Variants in CDH18 observed in about 807,000 individuals in gnomAD.
CDH18 encodes the protein cadherin 18.
A neutral mutation model predicts 67.9 loss-of-function variants in CDH18; 31 were observed. That is an observed-to-expected ratio of 0.46 (90% CI 0.34 to 0.62). CDH18 has a LOEUF of 0.62. CDH18 is among the 20% of genes least tolerant of loss of function. The pLI, the probability that CDH18 is intolerant of heterozygous loss-of-function variation, is 0.01. For synonymous variants in CDH18, 362 were observed against 347.2 expected, an observed-to-expected ratio of 1.04 and a Z score of -0.48; for missense variants, 890 against 975.5, an observed-to-expected ratio of 0.91 and a Z score of 1.17.
chr5:20,345,602 T>A (rs1317405985), intron 1 of CDH18, among the ~76,000 whole-genome samples: 1 of 152,148 alleles, frequency 6.6e-6, no homozygotes, highest in African/African-American at 2.4e-5. Context: ...CTTTTTTATA[T>A]TAGTTTTTTA....
chr5:20,466,856 T>C (rs1237796189), intron 1 of CDH18, among the ~76,000 whole-genome samples: 1 of 152,134 alleles, frequency 6.6e-6, no homozygotes, highest in Non-Finnish European at 1.5e-5. Context: ...AAGATCTTAA[T>C]GGTTTTTTAC....
intron 2 of CDH18, among the ~76,000 whole-genome samples, chr5:20,094,467 A>G (rs1484607749): frequency 2.0e-5 from 3 of 152,100 alleles, no homozygotes; most frequent in Non-Finnish European, 4.4e-5. Flanking sequence ...GTTCCATATG[A>G]AATTTAAAGT....
intron 1 of CDH18, among the ~76,000 whole-genome samples, chr5:20,525,906 G>C (rs1363352480): frequency 6.6e-6 from 1 of 152,010 alleles, no homozygotes; most frequent in Non-Finnish European, 1.5e-5. Flanking sequence ...AGTTTTTAAA[G>C]TCCAAATGTA....
intron 3 of CDH18, among the ~76,000 whole-genome samples, chr5:19,799,321 G>A (rs1013121217): frequency 2.0e-5 from 3 of 152,014 alleles, no homozygotes; most frequent in Non-Finnish European, 2.9e-5. Flanking sequence ...TTTTCATTAT[G>A]TAAGATAAAT....
At chr5:19,770,466 A>G (rs1773604079) in intron 3 of CDH18, among the ~76,000 whole-genome samples, 1 of 152,218 alleles carries the variant, frequency 6.6e-6, no homozygotes, top group Non-Finnish European at 1.5e-5. Flanking sequence ...ATTTTAACAT[A>G]GTTTTCTAAT....
chr5:20,379,456 A>T (rs192386773), intron 1 of CDH18, among the ~76,000 whole-genome samples: 105 of 152,306 alleles, frequency 6.9e-4, no homozygotes, highest in African/African-American at 2.4e-3. Context: ...TATTACGGCC[A>T]CACTGAAAGC....
chr5:19,758,539 TCTC>T (rs1208052509), intron 3 of CDH18, among the ~76,000 whole-genome samples: 5 of 152,174 alleles, frequency 3.3e-5, no homozygotes, highest in Non-Finnish European at 7.3e-5. Flanking sequence ...TGCAGAGCCT[TCTC>T]CTGTTCTGTA....
chr5:19,548,183 ATAAT>A (rs1221510975), intron 8 of CDH18, among the ~76,000 whole-genome samples: 1 of 152,154 alleles, frequency 6.6e-6, no homozygotes, highest in Non-Finnish European at 1.5e-5. Context: ...TTTTTTACAA[ATAAT>A]TAATTTGACA....
chr5:19,656,791 C>G (rs186598131), intron 5 of CDH18, among the ~76,000 whole-genome samples: 14 of 151,566 alleles, frequency 9.2e-5, no homozygotes, highest in African/African-American at 3.4e-4. Context: ...TAAAGGGTGC[C>G]CAGTGCTAGG....
At chr5:20,444,468 T>C (rs549090640) in intron 1 of CDH18, among the ~76,000 whole-genome samples, 1 of 152,102 alleles carries the variant, frequency 6.6e-6, no homozygotes, top group African/African-American at 2.4e-5. Context: ...ACCCAGGAGG[T>C]GGAGGTTGCA....
intron 2 of CDH18, among the ~76,000 whole-genome samples, chr5:20,123,886 C>CA (rs11292634): frequency 0.023 from 2,023 of 87,030 alleles, 77 homozygotes; most frequent in African/African-American, 0.077. Context: ...GACTCCGTCT[C>CA]AAAAAAAAAA....
At chr5:20,571,365 A>C (rs1726529228) in intron 1 of CDH18, among the ~76,000 whole-genome samples, 1 of 152,072 alleles carries the variant, frequency 6.6e-6, no homozygotes, top group Non-Finnish European at 1.5e-5. Flanking sequence ...ATAAAAGATA[A>C]TCTCTTTTTA....
At chr5:20,247,820 C>T (rs1464567801) in intron 2 of CDH18, among the ~76,000 whole-genome samples, 2 of 147,938 alleles carry the variant, frequency 1.4e-5, no homozygotes, top group African/African-American at 2.5e-5. Flanking sequence ...CAAAACAAAA[C>T]ATTTTGCCAC....
chr5:20,411,815 A>T (rs1746804933), intron 1 of CDH18, among the ~76,000 whole-genome samples: 1 of 152,054 alleles, frequency 6.6e-6, no homozygotes, highest in Non-Finnish European at 1.5e-5. Flanking sequence ...ACCTAGGAAT[A>T]CATCTAACCA....
intron 1 of CDH18, among the ~76,000 whole-genome samples, chr5:20,501,819 A>T (rs1754350474): frequency 6.7e-6 from 1 of 149,104 alleles, no homozygotes; most frequent in African/African-American, 2.5e-5. Context: ...AAAATATTAA[A>T]GAACACTGAA....
chr5:20,207,751 A>C (rs763944769), intron 2 of CDH18, among the ~76,000 whole-genome samples: 2 of 152,124 alleles, frequency 1.3e-5, no homozygotes, highest in Non-Finnish European at 2.9e-5. Context: ...GAGCCAAACC[A>C]TATCAATACC....
At chr5:20,283,340 A>G (rs760170617) in intron 1 of CDH18, among the ~76,000 whole-genome samples, 26 of 152,114 alleles carry the variant, frequency 1.7e-4, no homozygotes, top group Non-Finnish European at 3.2e-4. Context: ...AATATTTGCA[A>G]AATATCCATC....
chr5:19,961,724 T>C (rs1446199637), intron 2 of CDH18, among the ~76,000 whole-genome samples: 2 of 152,138 alleles, frequency 1.3e-5, no homozygotes, highest in Admixed American at 6.5e-5. Flanking sequence ...TTGTCTTTCA[T>C]GATTCTCTTA....
chr5:19,594,640 G>T (rs985868366), intron 6 of CDH18, among the ~76,000 whole-genome samples: 21 of 152,174 alleles, frequency 1.4e-4, no homozygotes, highest in Admixed American at 1.0e-3. Context: ...ATCAGCAAGT[G>T]TGTTGCCTCC....
Sources: allele counts gnomAD v4.1 joint callset (sites outside exome capture counted in the v4.1 genomes callset), GRCh38; gene constraint gnomAD v4.1.1; transcripts MANE v1.5; gene names NCBI Gene and HGNC (gene_info 2026-07-23, HGNC 2026-07-21).